DZANK1: variants seen among roughly 807,000 people sequenced by gnomAD.
DZANK1 encodes the protein double zinc ribbon and ankyrin repeat domains 1.
In DZANK1, 91 loss-of-function variants were observed where a neutral mutation model predicts 94.5. That is an observed-to-expected ratio of 0.96 (90% confidence interval 0.81 to 1.15). The LOEUF is 1.15. Among genes scored for constraint, DZANK1 ranks in the 50% most tolerant of loss-of-function variants. The probability of loss-of-function intolerance (pLI) is 0.00; values close to 1 mark genes in which losing one functional copy is unlikely to be tolerated. For synonymous variants in DZANK1, 312 were observed against 325.3 expected (o/e 0.96, Z 0.44); for missense variants, 903 against 916.4 (o/e 0.99, Z 0.19).
At position 18,423,620 on chromosome 20, in the gene DZANK1, T is replaced by G. The variant is rs184517605; in HGVS notation, c.954+3447A>C. Among the ~76,000 whole-genome samples the G allele has an allele frequency of 2.5e-3, 380 of 152,274 alleles. 2 individuals carry two copies. The highest frequency in any genetic ancestry group is 8.8e-3 in the African/African-American group (366 of 41,560). On this transcript the variant is annotated intron_variant, in intron 10 of 20. Transcript: ENST00000262547. ...TTAAAATAACTGAAATTATACAGAG[T>G]GTGCTCTCTGACCATTAATGGAATT...
At chr20:18,456,710 T>G (rs553933029) in intron 3 of DZANK1, among the ~76,000 whole-genome samples, 157 of 152,342 alleles carry the variant, frequency 1.0e-3, no homozygotes, top group African/African-American at 3.5e-3. Context: ...TTATTTGTTT[T>G]TTTTTGGAGA....
rs565613745 is a variant in DZANK1 at position 18,396,193 on chromosome 20, C to T, written c.1611+279G>A. Among the ~76,000 whole-genome samples, 7 of 152,318 alleles carry T rather than the reference C, an allele frequency of 4.6e-5. No homozygotes were observed. The East Asian group carries it at 1.3e-3, about 29-fold the overall frequency. ...CATATCAGCAAATATTTTTGTTAGTCTTTCCCCAAATCAATTATATCACAG... is the reference window on the plus strand; with the variant it reads ...CATATCAGCAAATATTTTTGTTAGTTTTTCCCCAAATCAATTATATCACAG... On this transcript the variant is annotated intron_variant, in intron 15 of 20. Transcript: ENST00000262547.
At chr20:18,413,698 T>A (rs181798880) in intron 12 of DZANK1, among the ~76,000 whole-genome samples, 1 of 152,182 alleles carries the variant, frequency 6.6e-6, no homozygotes, top group African/African-American at 2.4e-5. Flanking sequence ...AAGAATTGCT[T>A]GAACCTGGGA....
intron 2 of DZANK1, among the ~76,000 whole-genome samples, chr20:18,464,638 A>G (rs1392673391): frequency 1.3e-5 from 2 of 148,426 alleles, no homozygotes. Flanking sequence ...AATAATGAGC[A>G]TATTGGAAAA....
At chr20:18,415,398 T>C (rs2057443859) in exon 11 of DZANK1, 1 of 1,591,866 alleles carries the variant, frequency 6.3e-7, no homozygotes, top group Admixed American at 1.8e-5. Context: ...CAGGAAATGG[T>C]CCCCCCTTTC....
At chr20:18,404,475 G>A (rs2056852936) in intron 13 of DZANK1, among the ~76,000 whole-genome samples, 1 of 152,106 alleles carries the variant, frequency 6.6e-6, no homozygotes, top group Non-Finnish European at 1.5e-5. Flanking sequence ...GTGAAATAGA[G>A]TTCACTAAAA....
intron 10 of DZANK1, among the ~76,000 whole-genome samples, chr20:18,419,561 C>G (rs996202071): frequency 2.0e-5 from 3 of 152,024 alleles, no homozygotes; most frequent in Non-Finnish European, 4.4e-5. Flanking sequence ...ACATCCCGTA[C>G]ATGAAAATGT....
intron 9 of DZANK1, among the ~76,000 whole-genome samples, chr20:18,431,925 T>C (rs1363749770): frequency 6.6e-6 from 1 of 152,230 alleles, no homozygotes; most frequent in Admixed American, 6.5e-5. Flanking sequence ...GTCTCACCTA[T>C]GGAGTAGAAA....
intron 13 of DZANK1, among the ~76,000 whole-genome samples, chr20:18,410,277 C>T (rs1051118335): frequency 3.3e-5 from 5 of 151,546 alleles, no homozygotes; most frequent in African/African-American, 1.2e-4. Context: ...GAAAATAATG[C>T]CACAAAAGTT....
At position 18,459,126 on chromosome 20, in the gene DZANK1, C is replaced by T. The variant is rs190242844; in HGVS notation, c.263+1027G>A. ...TACTACTTGCAGCTTCTAAGGAGGC[C>T]TGCTTTACAGCATTTGGCCACCAGA... On this transcript the variant is annotated intron_variant, in intron 3 of 20. Transcript: ENST00000262547. 3.9e-5 allele frequency among the ~76,000 whole-genome samples: 6 copies of T among 152,316 alleles called. No individual in the cohort carries two copies. The East Asian group carries it at 1.2e-3, about 29-fold the overall frequency.
chr20:18,452,802 T>C, intron 5 of DZANK1, 63 bp from the exon 6 acceptor site: 5 of 1,469,246 alleles, frequency 3.4e-6, no homozygotes, highest in Non-Finnish European at 3.6e-6. Flanking sequence ...CATACAAAGA[T>C]ATCTTCACAG....
In DZANK1 at chr20:18,446,409, C is replaced by A. The variant is rs142877946; in HGVS notation, c.629+2575G>T. ...TCTAACTAACCCATTGCCCTCCCTACAAAATAACAAGGATAATTAGAAACT... is the reference window on the plus strand; with the variant it reads ...TCTAACTAACCCATTGCCCTCCCTAAAAAATAACAAGGATAATTAGAAACT... On this transcript the variant is annotated intron_variant, in intron 7 of 20. Coordinates refer to ENST00000262547, the Ensembl canonical transcript of DZANK1. Among the ~76,000 whole-genome samples, 953 of 152,166 alleles carry A rather than the reference C, an allele frequency of 6.3e-3. 10 individuals carry two copies. Among genetic ancestry groups the A allele is most frequent in the African/African-American group, 0.022 (901 of 41,530 alleles).
intron 13 of DZANK1, among the ~76,000 whole-genome samples, chr20:18,399,224 T>C (rs1312485816): frequency 2.6e-5 from 4 of 152,084 alleles, no homozygotes; most frequent in African/African-American, 9.7e-5. Flanking sequence ...ATAACTTACC[T>C]AATATTTTAT....
rs1234724054 is a variant in DZANK1, at chr20:18,448,972, T to G, written c.629+12A>C. 6.2e-7 allele frequency: 1 copy of G among 1,603,670 alleles called. No homozygotes were observed. The highest frequency in any genetic ancestry group is 8.5e-7 in the Non-Finnish European group (1 of 1,170,786). On this transcript the variant is annotated intron_variant, in intron 7 of 20. Transcript: ENST00000262547. The stretch of plus-strand genomic sequence containing the variant: ...AGGATTTAAGGCAGAGTAAAGAGAA[T>G]GTGATACTTACTTGAGAAAGTCTGT...
At chr20:18,412,746 C>G (rs1420112416) in exon 13 of DZANK1, 1 of 1,613,650 alleles carries the variant, frequency 6.2e-7, no homozygotes, top group Non-Finnish European at 8.5e-7. Flanking sequence ...TTGCTAGCAG[C>G]TTGCCAGATG....
chr20:18,394,315 A>T, exon 16 of DZANK1: 1 of 1,613,842 alleles, frequency 6.2e-7, no homozygotes, highest in Non-Finnish European at 8.5e-7. Context: ...TCAGAAGGTG[A>T]TCGCTGAAAT....
At chr20:18,457,408 C>A (rs1456955112) in intron 3 of DZANK1, among the ~76,000 whole-genome samples, 1 of 152,058 alleles carries the variant, frequency 6.6e-6, no homozygotes, top group African/African-American at 2.4e-5. Context: ...ACCCACGAGG[C>A]GGAGGTTGCA....
At chr20:18,451,808 C>T in intron 6 of DZANK1, 1 of 505,730 alleles carries the variant, frequency 2.0e-6, no homozygotes, top group Non-Finnish European at 3.9e-6. Context: ...CGCCTCCTAT[C>T]CTGACCACCT....
intron 10 of DZANK1, among the ~76,000 whole-genome samples, chr20:18,422,776 A>G (rs1361166484): frequency 6.8e-6 from 1 of 146,656 alleles, no homozygotes; most frequent in Non-Finnish European, 1.5e-5. Flanking sequence ...TAGCTCAGGA[A>G]GTGTGATGTC....
Sources: allele counts gnomAD v4.1 joint callset (sites outside exome capture counted in the v4.1 genomes callset), GRCh38; gene constraint gnomAD v4.1.1; transcripts MANE v1.5; gene names NCBI Gene and HGNC (gene_info 2026-07-23, HGNC 2026-07-21).